Variants in INSR observed in about 807,000 individuals in gnomAD.
INSR encodes insulin receptor.
A neutral mutation model predicts 142.6 loss-of-function variants in INSR; 67 were observed. The ratio of observed to expected loss-of-function variants is 0.47; its 90% CI spans 0.39 to 0.58. INSR has a LOEUF of 0.58. Ranked by LOEUF, INSR falls within the 20% of genes least tolerant of loss-of-function variation. The pLI is 0.00. For synonymous variants in INSR, 756 were observed against 743.1 expected (o/e 1.02, Z -0.28); for missense variants, 1,248 against 1,833.2 (o/e 0.68, Z 5.83).
chr19:7,175,249 C>A (rs1974111002), intron 3 of INSR, among the ~76,000 whole-genome samples: 1 of 152,048 alleles, frequency 6.6e-6, no homozygotes, highest in African/African-American at 2.4e-5. Flanking sequence ...CGTGGTGGCT[C>A]CTGCCTGTCA....
rs748018438 is a variant in INSR, at chr19:7,294,369, G to A, written c.-478C>T. Among the ~76,000 whole-genome samples, 29 of 151,642 alleles carry A rather than the reference G, an allele frequency of 1.9e-4. No homozygotes were observed. The highest frequency in any genetic ancestry group is 2.1e-4 in the South Asian group (1 of 4,832). ...CTCGGGCCCGTAAACAACGCGGCCCGTCAGCTGGGCCCCGTGCGGGCCGCG... is the reference window on the plus strand; with the variant it reads ...CTCGGGCCCGTAAACAACGCGGCCCATCAGCTGGGCCCCGTGCGGGCCGCG... On this transcript the variant is annotated 5_prime_UTR_variant, in exon 1 of 22. The change creates a new upstream start codon in the 5' untranslated region. Transcript: ENST00000302850.
rs1599937180 is a variant in INSR, at chr19:7,168,005, G to A, written c.1573C>T (p.Arg525Ter). 8 of 1,614,032 alleles carry A rather than the reference G, an allele frequency of 5.0e-6. No individual in the cohort carries two copies. Among genetic ancestry groups the A allele is most frequent in the Non-Finnish European group, 6.8e-6 (8 of 1,179,992 alleles). The part of the protein sequence containing the change: ...RWEPYWPPDF[R>*]DLLGFMLFYK... ...AACAGCATGAACCCCAAGAGGTCTC[G>A]GAAGTCGGGGGGCCAGTACGGCTCC... is the stretch of plus-strand genomic sequence containing the variant. Residue 525 changes from arginine to a stop codon, truncating the protein, a stop_gained, in exon 7 of 22, where the codon CGA (arginine) becomes TGA (stop). Transcript: ENST00000302850. LOFTEE classifies it high-confidence loss of function. This position sits in a 1 kb window ranked among gnomAD's most constrained non-coding sequence, Gnocchi z 4.3.
chr19:7,290,758 C>G (rs8100553), intron 1 of INSR, among the ~76,000 whole-genome samples: 4,429 of 134,910 alleles, frequency 0.033, 265 homozygotes, highest in African/African-American at 0.12. Context: ...AGAGTGACAC[C>G]CTGTCTCAAA....
At position 7,141,666 on chromosome 19, in the gene INSR, A is replaced by G; in HGVS notation, c.2682+11T>C. ...GTGTGCAGGGGCATGCCCAAGAGTC[A>G]AGGGCCTTACCTCATCACCATATCG... is the stretch of plus-strand genomic sequence containing the variant. On this transcript the variant is annotated intron_variant, in intron 13 of 21. Transcript: ENST00000302850. 1 of 1,614,162 alleles carries G rather than the reference A, an allele frequency of 6.2e-7. No individual in the cohort carries two copies. The highest frequency in any genetic ancestry group is 8.5e-7 in the Non-Finnish European group (1 of 1,179,992).
chr19:7,231,295 G>GT (rs59830751), intron 2 of INSR, among the ~76,000 whole-genome samples: 1,659 of 134,270 alleles, frequency 0.012, 57 homozygotes, highest in African/African-American at 0.045. Flanking sequence ...GGTGTTTTTT[G>GT]TTTTTTTTTT....
intron 9 of INSR, among the ~76,000 whole-genome samples, chr19:7,158,588 G>T (rs148315779): frequency 3.3e-5 from 5 of 152,280 alleles, no homozygotes; most frequent in African/African-American, 1.2e-4. Flanking sequence ...GATGGTGGGT[G>T]CTGGGGCTGG....
chr19:7,278,138 A>G (rs1177603939), intron 1 of INSR, among the ~76,000 whole-genome samples: 4 of 152,080 alleles, frequency 2.6e-5, no homozygotes, highest in Admixed American at 1.3e-4. Context: ...TAAAACAACA[A>G]CAAAAAGAAA....
At chr19:7,258,759 G>C (rs1263628598) in intron 2 of INSR, among the ~76,000 whole-genome samples, 1 of 148,424 alleles carries the variant, frequency 6.7e-6, no homozygotes, top group African/African-American at 2.5e-5. Flanking sequence ...ACTATGACAG[G>C]TGCTTGAGAT....
intron 2 of INSR, among the ~76,000 whole-genome samples, chr19:7,190,286 T>C (rs1974543513): frequency 6.6e-6 from 1 of 151,934 alleles, no homozygotes; most frequent in Non-Finnish European, 1.5e-5. Flanking sequence ...CTTATTTCAG[T>C]GACTATACAT....
intron 8 of INSR, among the ~76,000 whole-genome samples, chr19:7,164,517 CTA>C (rs1379440695): frequency 6.6e-6 from 1 of 151,298 alleles, no homozygotes; most frequent in Non-Finnish European, 1.5e-5. Context: ...AGCCCCATCT[CTA>C]TTAAAAATAC....
chr19:7,193,444 G>T (rs926182886), intron 2 of INSR, among the ~76,000 whole-genome samples: 1 of 151,226 alleles, frequency 6.6e-6, no homozygotes, highest in African/African-American at 2.4e-5. Context: ...CCTGGGGAGC[G>T]GAAGTTGCAG....
intron 2 of INSR, among the ~76,000 whole-genome samples, chr19:7,266,802 C>T (rs972748136): frequency 5.3e-5 from 8 of 152,098 alleles, no homozygotes; most frequent in Admixed American, 3.3e-4. Context: ...CGGCGACATG[C>T]GTTGTGGAAT....
chr19:7,203,005 T>TTTTTTG (rs1555751344), intron 2 of INSR, among the ~76,000 whole-genome samples: 2 of 147,772 alleles, frequency 1.4e-5, no homozygotes, highest in African/African-American at 5.0e-5. Context: ...TGTTTTTTTT[T>TTTTTTG]TTTTTTTTTC....
At chr19:7,253,045 G>A (rs1276537326) in intron 2 of INSR, among the ~76,000 whole-genome samples, 1 of 151,356 alleles carries the variant, frequency 6.6e-6, no homozygotes, top group Non-Finnish European at 1.5e-5. Context: ...AACCCGGGAG[G>A]CGGAGGTTGC....
At chr19:7,135,857 A>T (rs1476146234) in intron 13 of INSR, among the ~76,000 whole-genome samples, 3 of 151,660 alleles carry the variant, frequency 2.0e-5, no homozygotes, top group Non-Finnish European at 4.4e-5. Flanking sequence ...AGTCCCAGAT[A>T]CTCAAGAGGC....
chr19:7,160,442 C>T (rs144901811), intron 9 of INSR, among the ~76,000 whole-genome samples: 9,307 of 151,766 alleles, frequency 0.061, 398 homozygotes, highest in Non-Finnish European at 0.088. Flanking sequence ...CCACTGTGCC[C>T]GGCCTAAAAA....
At chr19:7,139,033 T>C (rs763128970) in intron 13 of INSR, among the ~76,000 whole-genome samples, 1 of 152,120 alleles carries the variant, frequency 6.6e-6, no homozygotes. Context: ...AAAGGGACAC[T>C]AGCAAATGTG....
chr19:7,271,301 G>A (rs542233825), intron 1 of INSR, among the ~76,000 whole-genome samples: 5 of 151,930 alleles, frequency 3.3e-5, no homozygotes, highest in African/African-American at 1.2e-4. Flanking sequence ...TTCAAGACCA[G>A]CCTGGCCAAC....
At position 7,142,009 on chromosome 19, in the gene INSR, A is replaced by T. The variant is rs544368900; in HGVS notation, c.2543-193T>A. On this transcript the variant is annotated intron_variant, in intron 12 of 21. Coordinates refer to ENST00000302850, the MANE Select transcript of INSR (RefSeq NM_000208.4). ...TTAAATGGGTTACTTTCTGCGTATA[A>T]CTTTTTTTTTTTTTTGAGACAGAGT... Among the ~76,000 whole-genome samples the T allele has an allele frequency of 1.7e-4, 25 of 149,730 alleles. No homozygotes were observed. In the South Asian group the frequency reaches 4.6e-3, roughly 28 times the overall value.
Sources: gnomAD v4.1 joint callset for allele counts (sites outside exome capture counted in the v4.1 genomes callset) on GRCh38, gnomAD v4.1.1 for gene constraint, Gnocchi (gnomAD v3.1) non-coding constraint, MANE v1.5 for transcripts, NCBI Gene and HGNC (gene_info 2026-07-23, HGNC 2026-07-21) for gene names.